PRORP: variants seen among roughly 807,000 people sequenced by gnomAD.
PRORP encodes protein only RNase P catalytic subunit.
In PRORP, 51 loss-of-function variants were observed where a neutral mutation model predicts 59.4. That is an observed-to-expected ratio of 0.86 (90% confidence interval 0.69 to 1.08). The LOEUF is 1.08. PRORP is among the 50% of genes least tolerant of loss of function. The pLI is 0.00. For missense variants in PRORP, 646 were observed against 690.3 expected (o/e 0.94, Z 0.72); for synonymous variants, 231 against 245.6 (o/e 0.94, Z 0.55).
Position 35,124,253 on chromosome 14 carries a change from G to T in PRORP, c.986+22G>T, listed in dbSNP as rs1439911528. ...AGAGGTAATTTTGGTTTTTTTATAT[G>T]TATGTTTTTATTCTTTAATTTTTTT... On this transcript the variant is annotated intron_variant, in intron 2 of 7. Transcript: ENST00000534898. 5.5e-6 allele frequency: 8 copies of T among 1,465,010 alleles called. No homozygotes were observed. The South Asian group carries it at 1.2e-4, about 21-fold the overall frequency. The allele number at this position is 1,465,010 out of a possible 1,614,324, so 90.8% of individuals were successfully genotyped here.
chr14:35,151,924 G>T (rs1253109884), intron 4 of PRORP, among the ~76,000 whole-genome samples: 47 of 134,902 alleles, frequency 3.5e-4, no homozygotes, highest in South Asian at 1.2e-3. Flanking sequence ...TTTTTTTTTT[G>T]TTAATCCATC....
At chr14:35,234,580 C>T (rs947167224) in intron 5 of PRORP, among the ~76,000 whole-genome samples, 6 of 151,934 alleles carry the variant, frequency 3.9e-5, no homozygotes, top group African/African-American at 1.5e-4. Context: ...CCTAGCCTTA[C>T]TTCCCTCTTG....
At chr14:35,122,375 G>C (rs192137584), upstream of PRORP, 878 of 181,020 alleles carry the variant, frequency 4.9e-3, 9 homozygotes, top group African/African-American at 0.019. Flanking sequence ...GCGGATATCT[G>C]GAAGCCTTCC....
intron 5 of PRORP, 56 bp from the exon 6 acceptor site, chr14:35,266,671 C>A: frequency 6.3e-7 from 1 of 1,588,198 alleles, no homozygotes; most frequent in Non-Finnish European, 8.6e-7. Flanking sequence ...AAAATCACTC[C>A]ACTAATTTGA....
chr14:35,153,296 A>G (rs1449853294), intron 4 of PRORP, among the ~76,000 whole-genome samples: 1 of 152,238 alleles, frequency 6.6e-6, no homozygotes, highest in Non-Finnish European at 1.5e-5. Context: ...AGGCTAAGGC[A>G]GGAGAATCAG....
chr14:35,270,214 A>G (rs181655204), intron 6 of PRORP, among the ~76,000 whole-genome samples, 187 bp from the exon 7 acceptor site: 2 of 152,178 alleles, frequency 1.3e-5, no homozygotes, highest in Non-Finnish European at 2.9e-5. Flanking sequence ...TCAGCTTTCC[A>G]TCTGTGTTCT....
At chr14:35,231,174 C>T (rs1222685820) in intron 5 of PRORP, among the ~76,000 whole-genome samples, 2 of 152,126 alleles carry the variant, frequency 1.3e-5, no homozygotes, top group Non-Finnish European at 2.9e-5. Context: ...GGTTTACTAC[C>T]TTACATCACA....
chr14:35,179,495 C>G (rs1386523586), intron 4 of PRORP, among the ~76,000 whole-genome samples: 2 of 152,286 alleles, frequency 1.3e-5, no homozygotes, highest in African/African-American at 4.8e-5. Flanking sequence ...ATTTCATCTT[C>G]CATCACTGAT....
At chr14:35,224,668 G>A (rs970670894) in intron 5 of PRORP, among the ~76,000 whole-genome samples, 1 of 152,154 alleles carries the variant, frequency 6.6e-6, no homozygotes, top group Non-Finnish European at 1.5e-5. Context: ...AATACCTAAT[G>A]AGCATAAAAT....
chr14:35,192,865 G>A lies in PRORP; in HGVS notation c.1275+12088G>A, dbSNP rs182572047. Among the ~76,000 whole-genome samples the A allele has an allele frequency of 1.2e-3, 176 of 151,906 alleles. 4 individuals carry two copies. The East Asian group carries it at 0.026, about 22-fold the overall frequency. On this transcript the variant is annotated intron_variant, in intron 5 of 7. Coordinates refer to ENST00000534898, the MANE Select transcript of PRORP (RefSeq NM_014672.4). ...AAAAATTAGCCAGGCATGGTGGCGC[G>A]TGCCTGTAATCCCAGCTACTAGGGA...
At chr14:35,180,498 G>T (rs1407769201) in intron 4 of PRORP, among the ~76,000 whole-genome samples, 172 bp from the exon 5 acceptor site, 1 of 150,386 alleles carries the variant, frequency 6.6e-6, no homozygotes, top group Non-Finnish European at 1.5e-5. Context: ...CATTAGACTG[G>T]CTTTTTCAGA....
At chr14:35,164,550 C>T (rs1192405651) in intron 4 of PRORP, among the ~76,000 whole-genome samples, 1 of 152,202 alleles carries the variant, frequency 6.6e-6, no homozygotes, top group African/African-American at 2.4e-5. Context: ...AAAGCAGATA[C>T]TGCAAGTTCT....
chr14:35,246,510 G>C (rs1229255709), intron 5 of PRORP, among the ~76,000 whole-genome samples: 2 of 152,090 alleles, frequency 1.3e-5, no homozygotes, highest in Non-Finnish European at 2.9e-5. Flanking sequence ...TTGAAAATTG[G>C]GTTGGTTCTT....
intron 5 of PRORP, among the ~76,000 whole-genome samples, chr14:35,186,483 C>G (rs4981272): frequency 0.04 from 6,007 of 152,018 alleles, 386 homozygotes; most frequent in African/African-American, 0.13. Flanking sequence ...AGGACATTTT[C>G]ATTTTTCTTG....
Position 35,144,836 on chromosome 14 carries a change from C to A in PRORP, c.1167+17225C>A, listed in dbSNP as rs963418728. Among the ~76,000 whole-genome samples, 2 of 145,918 alleles carry A rather than the reference C, an allele frequency of 1.4e-5. 1 individual carries two copies. The highest frequency in any genetic ancestry group is 3.0e-5 in the Non-Finnish European group (2 of 65,624). On this transcript the variant is annotated intron_variant, in intron 4 of 7. Coordinates refer to ENST00000534898, the MANE Select transcript of PRORP (RefSeq NM_014672.4). Reference sequence around the variant, plus strand: ...AGTACTCTGGTTTAGATATGATTTTCTTTTTCTTTCTATTGTAAAAGTTCA... The same window carrying A: ...AGTACTCTGGTTTAGATATGATTTTATTTTTCTTTCTATTGTAAAAGTTCA...
chr14:35,218,467 G>C (rs28398870), intron 5 of PRORP, among the ~76,000 whole-genome samples: 1 of 100,214 alleles, frequency 1.0e-5, no homozygotes, highest in African/African-American at 3.9e-5. Context: ...TCTAAAAAAA[G>C]AAAAAAAAAA....
At chr14:35,122,261 C>T, upstream of PRORP, 2 of 408,188 alleles carry the variant, frequency 4.9e-6, no homozygotes, top group South Asian at 2.9e-5. Flanking sequence ...CCGCGTTTTC[C>T]TTTATCGTGT....
chr14:35,124,682 AT>A (rs1416544633), intron 2 of PRORP, among the ~76,000 whole-genome samples: 1 of 147,850 alleles, frequency 6.8e-6, no homozygotes, highest in Non-Finnish European at 1.5e-5. Flanking sequence ...TGGAAGGATC[AT>A]TAATTTTGTT....
intron 4 of PRORP, among the ~76,000 whole-genome samples, chr14:35,130,329 TAA>T (rs2047207686): frequency 1.3e-5 from 2 of 152,014 alleles, no homozygotes; most frequent in Non-Finnish European, 2.9e-5. Context: ...ACTGCCTCAC[TAA>T]ACTCATTGTT....
Sources: gnomAD v4.1 joint callset for allele counts (sites outside exome capture counted in the v4.1 genomes callset) on GRCh38, gnomAD v4.1.1 for gene constraint, MANE v1.5 for transcripts, NCBI Gene and HGNC (gene_info 2026-07-23, HGNC 2026-07-21) for gene names.